Variants in SUCLA2 observed in about 807,000 individuals in gnomAD.
The protein encoded by SUCLA2 is succinate-CoA ligase ADP-forming subunit beta.
In SUCLA2, 30 loss-of-function variants were observed where a neutral mutation model predicts 54.8. The observed-to-expected ratio is 0.55, with a 90% CI of 0.41 to 0.74. The LOEUF (loss-of-function observed/expected upper bound fraction) is 0.74, where lower values mean the gene tolerates loss of function less well. SUCLA2 is among the 30% of genes least tolerant of loss of function. The pLI is 0.00. For missense variants in SUCLA2, 476 were observed against 562.9 expected, an observed-to-expected ratio of 0.85 and a Z score of 1.56; for synonymous variants, 172 against 188.9, an observed-to-expected ratio of 0.91 and a Z score of 0.74.
At chr13:47,985,835 C>T (rs2137739138) in intron 4 of SUCLA2, among the ~76,000 whole-genome samples, 1 of 152,244 alleles carries the variant, frequency 6.6e-6, no homozygotes, top group Admixed American at 6.5e-5. Context: ...AATGGTTGAA[C>T]TAATTTACAC....
At chr13:47,951,801 A>C (rs1244756356) in intron 8 of SUCLA2, among the ~76,000 whole-genome samples, 1 of 152,048 alleles carries the variant, frequency 6.6e-6, no homozygotes, top group African/African-American at 2.4e-5. Flanking sequence ...TTTACTACAT[A>C]GTATTTCCTC....
intron 5 of SUCLA2, among the ~76,000 whole-genome samples, chr13:47,972,971 C>T (rs887674828): frequency 2.0e-5 from 3 of 151,620 alleles, no homozygotes; most frequent in South Asian, 2.1e-4. Flanking sequence ...AGGCTGGTCT[C>T]GAACTCCTGA....
At chr13:47,982,147 T>A (rs1463584069) in intron 4 of SUCLA2, among the ~76,000 whole-genome samples, 2 of 152,180 alleles carry the variant, frequency 1.3e-5, no homozygotes, top group African/African-American at 4.8e-5. Flanking sequence ...TATTTGAACA[T>A]CTATGTTCAC....
intron 8 of SUCLA2, 38 bp from the exon 9 acceptor site, chr13:47,949,641 G>C: frequency 6.2e-7 from 1 of 1,606,260 alleles, no homozygotes; most frequent in Non-Finnish European, 8.5e-7. Flanking sequence ...AAATTTAAAA[G>C]AAATTTAAGT....
chr13:47,986,873 T>C (rs1358558664), intron 4 of SUCLA2, among the ~76,000 whole-genome samples: 1 of 152,178 alleles, frequency 6.6e-6, no homozygotes, highest in East Asian at 1.9e-4. Context: ...ATTAACTCAA[T>C]CACAAGTGCT....
intron 6 of SUCLA2, among the ~76,000 whole-genome samples, chr13:47,955,937 A>G (rs983977603): frequency 6.6e-6 from 1 of 152,150 alleles, no homozygotes; most frequent in African/African-American, 2.4e-5. Flanking sequence ...TAAGTTAAGT[A>G]CCCTTAATAC....
At chr13:47,995,708 A>C (rs1445861713) in intron 2 of SUCLA2, among the ~76,000 whole-genome samples, 3 of 152,214 alleles carry the variant, frequency 2.0e-5, no homozygotes, top group African/African-American at 7.2e-5. Flanking sequence ...GAGATTATTT[A>C]TGCTAATCTA....
intron 4 of SUCLA2, among the ~76,000 whole-genome samples, chr13:47,984,225 ACT>A (rs1311286039): frequency 6.7e-6 from 1 of 149,942 alleles, no homozygotes; most frequent in African/African-American, 2.5e-5. Context: ...ACACAGTCTC[ACT>A]CTGTCACCCA....
intron 1 of SUCLA2, among the ~76,000 whole-genome samples, chr13:47,998,597 C>T (rs2148242): frequency 0.028 from 4,305 of 152,182 alleles, 95 homozygotes; most frequent in South Asian, 0.082. Flanking sequence ...GCTCACACAT[C>T]GATGGATTAA....
intron 4 of SUCLA2, among the ~76,000 whole-genome samples, chr13:47,983,534 G>C (rs1426143037): frequency 6.8e-6 from 1 of 147,154 alleles, no homozygotes; most frequent in African/African-American, 2.6e-5. Context: ...CTGTCGCCCA[G>C]GCTGGAGTGC....
intron 5 of SUCLA2, among the ~76,000 whole-genome samples, chr13:47,970,181 T>C (rs1251748059): frequency 6.6e-6 from 1 of 151,108 alleles, no homozygotes; most frequent in Non-Finnish European, 1.5e-5. Context: ...AATATGAAAG[T>C]ACCATTTTAT....
At chr13:47,980,990 A>C (rs1950056754) in intron 4 of SUCLA2, among the ~76,000 whole-genome samples, 1 of 152,186 alleles carries the variant, frequency 6.6e-6, no homozygotes, top group Admixed American at 6.5e-5. Context: ...AAACTATAAA[A>C]CTCATAGAAG....
chr13:47,982,124 G>C (rs181188465), intron 4 of SUCLA2, among the ~76,000 whole-genome samples: 4 of 152,100 alleles, frequency 2.6e-5, no homozygotes, highest in Admixed American at 1.3e-4. Context: ...ATGAAAACAG[G>C]ATCTCAAAGA....
chr13:47,986,125 G>C (rs1189070682), intron 4 of SUCLA2, among the ~76,000 whole-genome samples: 1 of 145,672 alleles, frequency 6.9e-6, no homozygotes, highest in Non-Finnish European at 1.5e-5. Context: ...CCACCTCCCA[G>C]ATTCAAGCCA....
chr13:47,948,010 AAC>A (rs1297180609), intron 10 of SUCLA2, among the ~76,000 whole-genome samples: 4 of 152,232 alleles, frequency 2.6e-5, no homozygotes, highest in Non-Finnish European at 4.4e-5. Flanking sequence ...CAGAAATTTC[AAC>A]AGACTGTATT....
At chr13:47,983,071 A>G (rs1950071972) in intron 4 of SUCLA2, among the ~76,000 whole-genome samples, 1 of 152,196 alleles carries the variant, frequency 6.6e-6, no homozygotes. Flanking sequence ...TAGCCTCTGA[A>G]GTTTAGCTAA....
intron 4 of SUCLA2, among the ~76,000 whole-genome samples, chr13:47,977,427 T>C (rs1216018355): frequency 5.3e-5 from 8 of 151,908 alleles, no homozygotes; most frequent in Non-Finnish European, 8.8e-5. Flanking sequence ...CCATACTCAC[T>C]CTATGAAGCC....
chr13:47,945,296 A>G (rs1422666589), intron 10 of SUCLA2, among the ~76,000 whole-genome samples: 1 of 148,928 alleles, frequency 6.7e-6, no homozygotes, highest in Admixed American at 6.8e-5. Context: ...GGTGGCACAC[A>G]CCTGTAGTCT....
In SUCLA2 at chr13:47,954,518, G is replaced by A; in HGVS notation, c.842C>T (p.Ser281Leu). The A allele has an allele frequency of 6.2e-7, 1 of 1,613,782 alleles. No individual in the cohort carries two copies. The highest frequency in any genetic ancestry group is 8.5e-7 in the Non-Finnish European group (1 of 1,179,810). ...AAAGATTTTCTTTTGGCGATAGGCT[G>A]AATTAGAGTCAAAATTGATCTTTGC... ...MDAKINFDSNSAYRQKKIFDL... is the reference protein window; with the variant it reads ...MDAKINFDSNLAYRQKKIFDL... The change falls in exon 7 of 11, where the codon TCA becomes TTA. Residue 281 changes from serine to leucine, a missense_variant. By Grantham distance (145) the Ser-to-Leu change is moderately radical. Transcript: ENST00000646932.
Sources: allele counts gnomAD v4.1 joint callset (sites outside exome capture counted in the v4.1 genomes callset), GRCh38; gene constraint gnomAD v4.1.1; transcripts MANE v1.5; gene names NCBI Gene and HGNC (gene_info 2026-07-23, HGNC 2026-07-21).